Variants in PALLD observed in about 807,000 individuals in gnomAD.
PALLD encodes palladin, cytoskeletal associated protein.
In PALLD, 61 loss-of-function variants were observed where a neutral mutation model predicts 123.5. The ratio of observed to expected loss-of-function variants is 0.49; its 90% CI spans 0.40 to 0.61. The LOEUF is 0.61. Among genes scored for constraint, PALLD ranks in the 20% least tolerant of loss-of-function variants. PALLD has a pLI of 0.00. For missense variants in PALLD, 1,273 were observed against 1,377.0 expected, an observed-to-expected ratio of 0.92 and a Z score of 1.20; for synonymous variants, 465 against 496.4, an observed-to-expected ratio of 0.94 and a Z score of 0.84.
chr4:168,878,041 C>A, intron 10 of PALLD: 1 of 1,487,078 alleles, frequency 6.7e-7, no homozygotes, highest in Non-Finnish European at 8.9e-7. Flanking sequence ...CGTCCAGCCT[C>A]CCGTCGCCCA....
chr4:168,731,462 C>T (rs940726076), intron 10 of PALLD, among the ~76,000 whole-genome samples: 8 of 152,254 alleles, frequency 5.3e-5, no homozygotes, highest in Non-Finnish European at 1.2e-4. Flanking sequence ...AAGAGGGAAT[C>T]GTGACAGTAC....
intron 10 of PALLD, among the ~76,000 whole-genome samples, chr4:168,738,303 T>A (rs550484585): frequency 6.6e-6 from 1 of 152,322 alleles, no homozygotes; most frequent in African/African-American, 2.4e-5. Context: ...AGGACTGAGA[T>A]GGCTGAAGGA....
At chr4:168,867,636 G>A (rs1055296680) in intron 10 of PALLD, among the ~76,000 whole-genome samples, 1 of 152,080 alleles carries the variant, frequency 6.6e-6, no homozygotes, top group Admixed American at 6.5e-5. Context: ...CCTTCTGGTG[G>A]TTTCTTTCAC....
chr4:168,556,247 C>G (rs544663469), intron 2 of PALLD, among the ~76,000 whole-genome samples: 34 of 152,198 alleles, frequency 2.2e-4, no homozygotes, highest in Admixed American at 1.9e-3. Context: ...AGGTGCCCAC[C>G]ACCACGCCCG....
intron 2 of PALLD, among the ~76,000 whole-genome samples, chr4:168,627,577 G>A (rs960659115): frequency 4.6e-5 from 7 of 152,112 alleles, no homozygotes; most frequent in African/African-American, 1.7e-4. Flanking sequence ...TAAAATCAGA[G>A]TATATAGGAT....
intron 10 of PALLD, among the ~76,000 whole-genome samples, chr4:168,760,114 G>A (rs949145898): frequency 5.9e-5 from 9 of 151,848 alleles, no homozygotes; most frequent in East Asian, 3.9e-4. Flanking sequence ...CCTCCCTGGC[G>A]TTTCCACATG....
chr4:168,510,346 G>C (rs1228406764), intron 1 of PALLD, among the ~76,000 whole-genome samples: 2 of 152,176 alleles, frequency 1.3e-5, no homozygotes, highest in African/African-American at 4.8e-5. Flanking sequence ...CAGGCCTCTA[G>C]TTATCTCATG....
At chr4:168,502,615 T>C (rs937478585) in intron 1 of PALLD, among the ~76,000 whole-genome samples, 1 of 152,106 alleles carries the variant, frequency 6.6e-6, no homozygotes, top group African/African-American at 2.4e-5. Context: ...CAGAATAATG[T>C]TTAGCTGCAC....
chr4:168,516,458 G>A (rs908173955), intron 2 of PALLD, among the ~76,000 whole-genome samples: 7 of 151,782 alleles, frequency 4.6e-5, no homozygotes, highest in Non-Finnish European at 8.8e-5. Context: ...TATTTTTAAA[G>A]GTATTTATTT....
intron 10 of PALLD, among the ~76,000 whole-genome samples, chr4:168,837,075 C>G (rs1369486354): frequency 1.3e-5 from 2 of 152,144 alleles, no homozygotes; most frequent in African/African-American, 4.8e-5. Context: ...GATACATTTC[C>G]TTTCACGTTT....
chr4:168,623,278 T>C (rs1316887165), intron 2 of PALLD, among the ~76,000 whole-genome samples: 1 of 152,224 alleles, frequency 6.6e-6, no homozygotes, highest in Non-Finnish European at 1.5e-5. Flanking sequence ...ACCACCTAAA[T>C]AACTATTCTA....
rs781078295 is a variant in PALLD at position 168,711,770 on chromosome 4, ATGC to A, written c.1817_1819del (p.Ala606del). On this transcript the variant is annotated inframe_deletion, in exon 10 of 22. Coordinates refer to ENST00000505667, the MANE Select transcript of PALLD (RefSeq NM_001166108.2). ...AGGGCAGCCCTTCAAATGCAATTCA[ATGC>A]TGCTGAGAGGGAAACGAACGGAGTC... 6 of 1,614,044 alleles carry A rather than the reference ATGC, an allele frequency of 3.7e-6. No homozygotes were observed. In the East Asian group the frequency reaches 1.3e-4, roughly 36 times the overall value.
chr4:168,799,245 T>C (rs1738963783), intron 10 of PALLD, among the ~76,000 whole-genome samples: 1 of 152,176 alleles, frequency 6.6e-6, no homozygotes, highest in Non-Finnish European at 1.5e-5. Flanking sequence ...CTGTCAATCT[T>C]GTTTACCTAT....
At chr4:168,584,219 T>G (rs1580428870) in intron 2 of PALLD, among the ~76,000 whole-genome samples, 1 of 152,044 alleles carries the variant, frequency 6.6e-6, no homozygotes, top group East Asian at 1.9e-4. Context: ...CATCAGGTTT[T>G]TTTTTTTTTT....
rs1402332442 is a variant in PALLD at position 168,731,457 on chromosome 4, GGAATCGT to G, written c.1964+19537_1964+19543del. 9.2e-5 allele frequency among the ~76,000 whole-genome samples: 14 copies of G among 152,248 alleles called. No individual in the cohort carries two copies. The East Asian group carries it at 2.7e-3, about 29-fold the overall frequency. ...ATTTCAGTTCCCTCTTCATTAAGAG[GGAATCGT>G]GACAGTACCTACTTCACAGGAGTGT... is the stretch of plus-strand genomic sequence containing the variant. On this transcript the variant is annotated intron_variant, in intron 10 of 21. Transcript: ENST00000505667.
intron 10 of PALLD, among the ~76,000 whole-genome samples, chr4:168,740,165 AATC>A (rs1788188210): frequency 6.6e-6 from 1 of 152,204 alleles, no homozygotes; most frequent in African/African-American, 2.4e-5. Flanking sequence ...ATATGTCAGT[AATC>A]ATCACATGGT....
At chr4:168,853,891 G>C (rs140461187) in intron 10 of PALLD, among the ~76,000 whole-genome samples, 1 of 152,320 alleles carries the variant, frequency 6.6e-6, no homozygotes, top group Non-Finnish European at 1.5e-5. Context: ...GTTGAGATGA[G>C]ACGGATGGAG....
chr4:168,722,146 G>T (rs991609335), intron 10 of PALLD, among the ~76,000 whole-genome samples: 14 of 152,242 alleles, frequency 9.2e-5, no homozygotes, highest in African/African-American at 3.1e-4. Flanking sequence ...CTGGGCTCAG[G>T]TGATCCTCCT....
At chr4:168,769,407 C>CTTGAAAGG (rs1419549163) in intron 10 of PALLD, among the ~76,000 whole-genome samples, 6 of 152,124 alleles carry the variant, frequency 3.9e-5, no homozygotes, top group Non-Finnish European at 5.9e-5. Context: ...AGGTGCAAAG[C>CTTGAAAGG]TTGAAAGGTT....
Sources: gnomAD v4.1 joint callset for allele counts (sites outside exome capture counted in the v4.1 genomes callset) on GRCh38, gnomAD v4.1.1 for gene constraint, MANE v1.5 for transcripts, NCBI Gene and HGNC (gene_info 2026-07-23, HGNC 2026-07-21) for gene names.